Variants in KIFAP3 observed in about 807,000 individuals in gnomAD.
The protein encoded by KIFAP3 is kinesin-associated protein 3.
KIFAP3 carries 68 observed loss-of-function variants against 106.5 expected under a neutral mutation model. That is an observed-to-expected ratio of 0.64 (90% confidence interval 0.53 to 0.78). KIFAP3 has a LOEUF of 0.78. Ranked by LOEUF, KIFAP3 falls within the 30% of genes least tolerant of loss-of-function variation. The pLI, the probability that KIFAP3 is intolerant of heterozygous loss-of-function variation, is 0.00. For synonymous variants in KIFAP3, 320 were observed against 311.5 expected, an observed-to-expected ratio of 1.03 and a Z score of -0.29; for missense variants, 780 against 941.8, an observed-to-expected ratio of 0.83 and a Z score of 2.25.
chr1:170,027,309 C>T (rs185329200), intron 8 of KIFAP3, among the ~76,000 whole-genome samples: 7 of 152,092 alleles, frequency 4.6e-5, no homozygotes, highest in East Asian at 1.9e-4. Context: ...CATGAACCAC[C>T]GCGCCTGACC....
chr1:170,075,261 A>C (rs1007185513), upstream of KIFAP3, among the ~76,000 whole-genome samples: 1 of 152,246 alleles, frequency 6.6e-6, no homozygotes, highest in Non-Finnish European at 1.5e-5. Context: ...GGGCATAGGA[A>C]AGAAGGGTTC....
chr1:169,998,611 C>T (rs905018666), intron 10 of KIFAP3, among the ~76,000 whole-genome samples: 1 of 152,046 alleles, frequency 6.6e-6, no homozygotes, highest in Non-Finnish European at 1.5e-5. Context: ...TTTAATTCCC[C>T]CCCTTTTTGT....
rs567139230 is a variant in KIFAP3 at position 170,060,101 on chromosome 1, T to C, written c.33-4665A>G. 7.2e-5 allele frequency among the ~76,000 whole-genome samples: 11 copies of C among 152,250 alleles called. No individual in the cohort carries two copies. The East Asian group carries it at 1.5e-3, about 21-fold the overall frequency. ...AACTGGAAGCATTCCCTTTGAAAAC[T>C]GGCACAAGACAGGGATGCCCTCTCT... On this transcript the variant is annotated intron_variant, in intron 1 of 19. Coordinates refer to ENST00000361580, the MANE Select transcript of KIFAP3 (RefSeq NM_014970.4).
chr1:170,069,629 A>T (rs1171418466), intron 1 of KIFAP3, among the ~76,000 whole-genome samples: 1 of 152,160 alleles, frequency 6.6e-6, no homozygotes, highest in African/African-American at 2.4e-5. Context: ...TCATGATAAA[A>T]GTACTTGATA....
chr1:169,952,584 T>C (rs1185689850), intron 19 of KIFAP3, among the ~76,000 whole-genome samples: 4 of 152,082 alleles, frequency 2.6e-5, no homozygotes, highest in Non-Finnish European at 2.9e-5. Flanking sequence ...CACTACAGTA[T>C]ATTTTGTGTC....
intron 10 of KIFAP3, among the ~76,000 whole-genome samples, chr1:169,999,462 T>C (rs1667552308): frequency 6.6e-6 from 1 of 152,180 alleles, no homozygotes; most frequent in Non-Finnish European, 1.5e-5. Context: ...CACCAAAGAC[T>C]GTGAATTTTA....
chr1:169,959,401 T>C (rs569999334), intron 18 of KIFAP3, among the ~76,000 whole-genome samples: 4 of 152,164 alleles, frequency 2.6e-5, no homozygotes, highest in Non-Finnish European at 5.9e-5. Context: ...CAGCATGTAA[T>C]TTCTACTGTC....
intron 10 of KIFAP3, among the ~76,000 whole-genome samples, chr1:169,995,888 T>C (rs1667345967): frequency 1.3e-5 from 2 of 152,032 alleles, no homozygotes; most frequent in Admixed American, 1.3e-4. Context: ...CTCTAATTAA[T>C]TTTATATACA....
chr1:170,006,121 T>A (rs796301363), intron 10 of KIFAP3, among the ~76,000 whole-genome samples: 16 of 152,304 alleles, frequency 1.1e-4, no homozygotes, highest in African/African-American at 2.9e-4. Flanking sequence ...CCCCTAACTT[T>A]CTAAATAAGA....
chr1:170,052,983 T>C (rs1670651572), intron 2 of KIFAP3, among the ~76,000 whole-genome samples: 1 of 152,218 alleles, frequency 6.6e-6, no homozygotes, highest in African/African-American at 2.4e-5. Context: ...GTATTGGAAG[T>C]TCTGGCCAAG....
intron 1 of KIFAP3, 76 bp from the exon 2 acceptor site, chr1:170,055,512 C>A: frequency 8.3e-7 from 1 of 1,211,200 alleles, no homozygotes. Context: ...ATTTTTAGGT[C>A]TATAACGTGG....
rs534232484 is a variant in KIFAP3 at position 170,074,222 on chromosome 1, G to T, written c.32+214C>A. 2.2e-4 allele frequency among the ~76,000 whole-genome samples: 33 copies of T among 152,154 alleles called. 1 individual carries two copies. The South Asian group carries it at 6.6e-3, about 31-fold the overall frequency. Reference sequence around the variant, plus strand: ...AGAAACCATCTTTCAATGCTGTCAGGGCTCCGCCGAGTCAGGTCAAAGGAC... The same window carrying T: ...AGAAACCATCTTTCAATGCTGTCAGTGCTCCGCCGAGTCAGGTCAAAGGAC... On this transcript the variant is annotated intron_variant, in intron 1 of 19. Transcript: ENST00000361580.
At chr1:169,999,102 G>A (rs1667534116) in intron 10 of KIFAP3, among the ~76,000 whole-genome samples, 1 of 152,132 alleles carries the variant, frequency 6.6e-6, no homozygotes, top group Non-Finnish European at 1.5e-5. Flanking sequence ...AGCTATTAGA[G>A]AGATTAAATG....
intron 8 of KIFAP3, among the ~76,000 whole-genome samples, chr1:170,029,257 T>C (rs1669273848): frequency 6.6e-6 from 1 of 152,110 alleles, no homozygotes; most frequent in Admixed American, 6.5e-5. Context: ...AACTGATAGA[T>C]GTGCAGGAGC....
chr1:169,942,056 C>CT (rs1664153451), intron 19 of KIFAP3, among the ~76,000 whole-genome samples: 1 of 146,690 alleles, frequency 6.8e-6, no homozygotes, highest in East Asian at 2.0e-4. Flanking sequence ...TATTTTTACT[C>CT]TAAGAAGAGC....
At position 170,024,535 on chromosome 1, in the gene KIFAP3, G is replaced by T. The variant is rs1171823201; in HGVS notation, c.903C>A (p.Asn301Lys). The T allele has an allele frequency of 6.2e-7, 1 of 1,605,120 alleles. No homozygotes were observed. Among genetic ancestry groups the T allele is most frequent in the Non-Finnish European group, 8.5e-7 (1 of 1,175,548 alleles). The change falls in exon 9 of 20, where the codon AAC becomes AAA. Residue 301 changes from asparagine (N) to lysine (K), a missense_variant. Transcript: ENST00000361580. Reference protein sequence around the residue: ...EDTRTELKMRNKNIVHMLVKA... With the variant: ...EDTRTELKMRKKNIVHMLVKA... Reference sequence around the variant, plus strand: ...TCACCAACATGTGAACTATGTTCTTGTTCCTCATTTTCAGTTCGGTACGAG... The same window carrying T: ...TCACCAACATGTGAACTATGTTCTTTTTCCTCATTTTCAGTTCGGTACGAG...
intron 1 of KIFAP3, among the ~76,000 whole-genome samples, chr1:170,061,659 C>T (rs912966465): frequency 6.6e-6 from 1 of 152,144 alleles, no homozygotes; most frequent in African/African-American, 2.4e-5. Context: ...CATCCCATTA[C>T]TGGGTATATA....
chr1:170,045,332 A>G (rs1191338825), intron 3 of KIFAP3, among the ~76,000 whole-genome samples: 1 of 152,170 alleles, frequency 6.6e-6, no homozygotes, highest in African/African-American at 2.4e-5. Flanking sequence ...GGAGGTCCCA[A>G]AATAACCCAA....
At chr1:170,021,819 A>G (rs1269373660) in intron 9 of KIFAP3, among the ~76,000 whole-genome samples, 1 of 151,874 alleles carries the variant, frequency 6.6e-6, no homozygotes, top group Non-Finnish European at 1.5e-5. Flanking sequence ...TAAACACTAG[A>G]CTAGTATTTA....
Sources: gnomAD v4.1 joint callset for allele counts (sites outside exome capture counted in the v4.1 genomes callset) on GRCh38, gnomAD v4.1.1 for gene constraint, MANE v1.5 for transcripts, NCBI Gene and HGNC (gene_info 2026-07-23, HGNC 2026-07-21) for gene names.